Variants in KANSL1 observed in about 807,000 individuals in gnomAD.
KANSL1 encodes KAT8 regulatory NSL complex subunit 1, also known as MLL1/MLL complex subunit KANSL1.
KANSL1 carries 22 observed loss-of-function variants against 103.6 expected under a neutral mutation model. The observed-to-expected ratio is 0.21, with a 90% CI of 0.15 to 0.30. KANSL1 has a LOEUF of 0.30. Ranked by LOEUF, KANSL1 falls within the 10% of genes least tolerant of loss-of-function variation. KANSL1 has a pLI of 1.00. For missense variants in KANSL1, 1,337 were observed against 1,399.8 expected, an observed-to-expected ratio of 0.96 and a Z score of 0.72; for synonymous variants, 600 against 527.6, an observed-to-expected ratio of 1.14 and a Z score of -1.88.
At chr17:46,124,470 T>C (rs1289012598) in intron 2 of KANSL1, among the ~76,000 whole-genome samples, 1 of 152,254 alleles carries the variant, frequency 6.6e-6, no homozygotes, top group Admixed American at 6.5e-5. Flanking sequence ...CCTGTTATCA[T>C]GCCTGTTAAC....
intron 2 of KANSL1, among the ~76,000 whole-genome samples, chr17:46,153,927 G>C (rs993724274): frequency 1.3e-5 from 2 of 152,206 alleles, no homozygotes; most frequent in African/African-American, 4.8e-5. Flanking sequence ...CGATATGTAA[G>C]GGCTTTAAAT....
chr17:46,124,716 T>G (rs1414501158), intron 2 of KANSL1, among the ~76,000 whole-genome samples: 2 of 152,088 alleles, frequency 1.3e-5, no homozygotes, highest in African/African-American at 2.4e-5. Context: ...AGAAGTTGAC[T>G]CCGACTCTCA....
intron 2 of KANSL1, among the ~76,000 whole-genome samples, chr17:46,146,606 G>A (rs552926036): frequency 1.7e-4 from 19 of 112,714 alleles, no homozygotes; most frequent in African/African-American, 4.2e-4. Flanking sequence ...GGCCGAAGCC[G>A]GCGGATCACG....
chr17:46,059,696 C>T (rs2078089875), intron 6 of KANSL1, among the ~76,000 whole-genome samples: 1 of 141,874 alleles, frequency 7.0e-6, no homozygotes, highest in Admixed American at 7.2e-5. Context: ...ATGTTCTCAG[C>T]TGGAACTAAG....
intron 2 of KANSL1, chr17:46,169,503 CA>C (rs1343117060): frequency 2.0e-5 from 3 of 152,294 alleles, no homozygotes; most frequent in East Asian, 3.9e-4. Context: ...TCTCAACAAC[CA>C]AACACTCCAG....
At chr17:46,160,217 TTTC>T (rs1178900782) in intron 2 of KANSL1, among the ~76,000 whole-genome samples, 38 of 152,296 alleles carry the variant, frequency 2.5e-4, no homozygotes, top group Non-Finnish European at 4.4e-4. Flanking sequence ...TACTAATTCC[TTTC>T]TTTTCTTCCT....
chr17:46,217,052 T>C (rs1026398576), intron 1 of KANSL1, among the ~76,000 whole-genome samples: 2 of 147,780 alleles, frequency 1.4e-5, no homozygotes, highest in African/African-American at 5.1e-5. Flanking sequence ...GGGCTGGAGG[T>C]TGCAGTGATC....
chr17:46,171,535 C>T lies in KANSL1; in HGVS notation c.609G>A (p.Gly203=). The change falls in exon 2 of 15, where the codon GGG becomes GGA. Residue 203 remains glycine, a synonymous_variant. Coordinates refer to ENST00000432791, the MANE Select transcript of KANSL1 (RefSeq NM_015443.4). ...MGGSESGDLK[G]GMTNCTLPHR... is the part of the protein sequence containing the mutation. ...GTGGAAGAGTGCAATTGGTCATACCCCCCTTCAAGTCCCCAGATTCAGATC... is the reference window on the plus strand; with the variant it reads ...GTGGAAGAGTGCAATTGGTCATACCTCCCTTCAAGTCCCCAGATTCAGATC... The T allele has an allele frequency of 6.2e-7, 1 of 1,612,826 alleles. No individual in the cohort carries two copies. The highest frequency in any genetic ancestry group is 1.3e-5 in the African/African-American group (1 of 74,968).
At chr17:46,105,005 C>G (rs2042472379) in intron 2 of KANSL1, among the ~76,000 whole-genome samples, 1 of 152,082 alleles carries the variant, frequency 6.6e-6, no homozygotes, top group African/African-American at 2.4e-5. Flanking sequence ...TTAGTAGAAA[C>G]AAGGTTTCAC....
Position 46,031,166 on chromosome 17 carries a change from C to T in KANSL1, c.*310G>A, listed in dbSNP as rs2076996706. ...CCACAGGTGTGAGGGAGGGGGTGGT[C>T]ATCTAAGATCAGTAAGTCCAGTGAT... is the stretch of plus-strand genomic sequence containing the variant. On this transcript the variant is annotated 3_prime_UTR_variant, in exon 15 of 15. Coordinates refer to ENST00000432791, the MANE Select transcript of KANSL1 (RefSeq NM_015443.4). 1 of 431,324 alleles carries T rather than the reference C, an allele frequency of 2.3e-6. No homozygotes were observed. The highest frequency in any genetic ancestry group is 2.0e-5 in the African/African-American group (1 of 51,000). 26.7% of individuals were successfully genotyped at this position (431,324 alleles called of 1,614,324 possible). A position where few individuals can be genotyped will look rare whatever the true frequency, so the allele number is the denominator to read the frequency against.
At position 46,171,427 on chromosome 17, in the gene KANSL1, C is replaced by T. The variant is rs756250182; in HGVS notation, c.717G>A (p.Gln239=). ...ANKSSVNSME[Q]PALQGSSRLS... The stretch of plus-strand genomic sequence containing the variant: ...ATCTACTGCTTCCTTGAAGTGCCGG[C>T]TGTTCCATGGAATTGACAGAGGATT... The change falls in exon 2 of 15, where the codon CAG becomes CAA. Residue 239 remains glutamine, a synonymous_variant. Transcript: ENST00000432791. 6.2e-7 allele frequency: 1 copy of T among 1,614,012 alleles called. No individual in the cohort carries two copies. Among genetic ancestry groups the T allele is most frequent in the South Asian group, 1.1e-5 (1 of 91,070 alleles).
At chr17:46,052,794 T>TAAA (rs35162336) in intron 6 of KANSL1, among the ~76,000 whole-genome samples, 18,000 of 118,048 alleles carry the variant, frequency 0.15, 2,528 homozygotes, top group East Asian at 0.79. Flanking sequence ...AATTTAAAAT[T>TAAA]AAAAAAAAAA....
chr17:46,083,691 T>C (rs1598576136), intron 3 of KANSL1, among the ~76,000 whole-genome samples: 1 of 152,298 alleles, frequency 6.6e-6, no homozygotes, highest in South Asian at 2.1e-4. Context: ...CCTACCACCA[T>C]GCCCAGAGGT....
chr17:46,078,347 T>A (rs2078863400), intron 4 of KANSL1, among the ~76,000 whole-genome samples: 1 of 152,266 alleles, frequency 6.6e-6, no homozygotes, highest in Admixed American at 6.5e-5. Flanking sequence ...TCTGCTCAGC[T>A]CTTTCAGCCT....
intron 4 of KANSL1, among the ~76,000 whole-genome samples, chr17:46,071,851 T>A (rs1175859214): frequency 6.6e-6 from 1 of 151,968 alleles, no homozygotes. Context: ...AAAGAAAGAG[T>A]AGAAAAGCTA....
chr17:46,058,930 T>C (rs2078043793), intron 6 of KANSL1, among the ~76,000 whole-genome samples: 1 of 152,028 alleles, frequency 6.6e-6, no homozygotes, highest in African/African-American at 2.4e-5. Context: ...CACGTGTCTG[T>C]AATCTCAGCT....
intron 2 of KANSL1, among the ~76,000 whole-genome samples, chr17:46,144,991 T>G (rs1440697191): frequency 1.3e-5 from 2 of 152,252 alleles, no homozygotes; most frequent in African/African-American, 2.4e-5. Flanking sequence ...AAACTGGGTT[T>G]CTGATTCTTA....
At chr17:46,154,841 CTT>C (rs1220139262) in intron 2 of KANSL1, among the ~76,000 whole-genome samples, 5 of 152,100 alleles carry the variant, frequency 3.3e-5, no homozygotes, top group Non-Finnish European at 7.3e-5. Context: ...TAATCTTTCC[CTT>C]TTATTATTTT....
At chr17:46,071,994 G>A (rs1360525838) in intron 4 of KANSL1, among the ~76,000 whole-genome samples, 8 of 107,854 alleles carry the variant, frequency 7.4e-5, no homozygotes, top group East Asian at 4.7e-4. Flanking sequence ...CCCTCCCCCC[G>A]CCCCGATTGA....
Sources: allele counts gnomAD v4.1 joint callset (sites outside exome capture counted in the v4.1 genomes callset), GRCh38; gene constraint gnomAD v4.1.1; transcripts MANE v1.5; gene names NCBI Gene and HGNC (gene_info 2026-07-23, HGNC 2026-07-21).